The following LARGE1 variants were observed in gnomAD, a reference collection of about 807,000 sequenced individuals.
The protein encoded by LARGE1 is xylosyl- and glucuronyltransferase LARGE1.
Under a neutral mutation model 87.6 loss-of-function variants are expected in LARGE1, and 43 were observed. That is an observed-to-expected ratio of 0.49 (90% confidence interval 0.38 to 0.63). The LOEUF is 0.63. LARGE1 is among the 30% of genes least tolerant of loss of function. The pLI is 0.00. For missense variants in LARGE1, 802 were observed against 1,000.2 expected (o/e 0.80, Z 2.67); for synonymous variants, 434 against 394.6 (o/e 1.10, Z -1.18).
intron 1 of LARGE1, among the ~76,000 whole-genome samples, chr22:33,795,709 T>C (rs2085957963): frequency 6.6e-6 from 1 of 152,110 alleles, no homozygotes; most frequent in Admixed American, 6.5e-5. Flanking sequence ...GGGACGTGGA[T>C]GAAGCTAGAA....
the LARGE1 span, among the ~76,000 whole-genome samples, chr22:33,091,891 G>A: frequency 8.2e-4 from 124 of 152,034 alleles, no homozygotes; most frequent in African/African-American, 2.4e-3. Flanking sequence ...CTTCTTCTTC[G>A]TTTTTCGTTT....
At chr22:33,183,270 A>G (rs1469460163) in intron 11 of LARGE1, among the ~76,000 whole-genome samples, 5 of 152,246 alleles carry the variant, frequency 3.3e-5, no homozygotes, top group Admixed American at 2.6e-4. Context: ...AATCAAAACC[A>G]TAATGAGATA....
At chr22:33,421,222 C>A (rs982130030) in intron 7 of LARGE1, among the ~76,000 whole-genome samples, 15 of 136,500 alleles carry the variant, frequency 1.1e-4, no homozygotes, top group African/African-American at 4.4e-4. Context: ...ATCAATCAAT[C>A]AATCAATCAA....
chr22:33,331,836 G>A (rs978455224), intron 10 of LARGE1, among the ~76,000 whole-genome samples: 1 of 151,996 alleles, frequency 6.6e-6, no homozygotes, highest in East Asian at 1.9e-4. Flanking sequence ...CACCCACCAA[G>A]TTTACCCTTC....
At chr22:33,400,408 G>C (rs138838711) in intron 7 of LARGE1, among the ~76,000 whole-genome samples, 1 of 152,234 alleles carries the variant, frequency 6.6e-6, no homozygotes, top group African/African-American at 2.4e-5. Context: ...AGGGATGGGA[G>C]GGTCTGACAC....
the LARGE1 span, among the ~76,000 whole-genome samples, chr22:33,095,877 C>G: frequency 2.0e-5 from 3 of 152,098 alleles, no homozygotes; most frequent in East Asian, 3.9e-4. Context: ...TAGACCTACC[C>G]GCGTGTTTGA....
chr22:33,910,651 A>G (rs1397967039), intron 1 of LARGE1, among the ~76,000 whole-genome samples: 1 of 152,162 alleles, frequency 6.6e-6, no homozygotes, highest in African/African-American at 2.4e-5. Context: ...ACACAGTAGG[A>G]GCTTGATCAA....
intron 6 of LARGE1, among the ~76,000 whole-genome samples, chr22:33,469,151 T>C (rs1314232018): frequency 6.6e-6 from 1 of 152,164 alleles, no homozygotes; most frequent in East Asian, 1.9e-4. Context: ...AAATTAGAAC[T>C]ACCATTCAAC....
intron 11 of LARGE1, among the ~76,000 whole-genome samples, chr22:33,189,013 G>A (rs557055694): frequency 6.1e-4 from 93 of 152,176 alleles, no homozygotes; most frequent in Middle Eastern, 6.8e-3. Flanking sequence ...CTCAGCCAGG[G>A]TTGGGTGCCC....
At chr22:33,195,018 A>G (rs113912363) in intron 11 of LARGE1, among the ~76,000 whole-genome samples, 25 of 152,328 alleles carry the variant, frequency 1.6e-4, no homozygotes, top group African/African-American at 5.8e-4. Flanking sequence ...GGGATAATAC[A>G]TTAAAGGAAT....
intron 2 of LARGE1, among the ~76,000 whole-genome samples, chr22:33,666,615 G>C (rs772944505): frequency 2.6e-5 from 4 of 152,208 alleles, no homozygotes; most frequent in Non-Finnish European, 5.9e-5. Context: ...GGAGGTCTCA[G>C]CTGCCAGGCT....
chr22:33,707,762 C>T (rs1355744195), intron 2 of LARGE1, among the ~76,000 whole-genome samples: 1 of 152,200 alleles, frequency 6.6e-6, no homozygotes, highest in Non-Finnish European at 1.5e-5. Flanking sequence ...CTGCCTCCCA[C>T]AGTCGACCCA....
rs564755814 is a variant in LARGE1, at chr22:33,362,104, C to T, written c.1131+19815G>A. Among the ~76,000 whole-genome samples the T allele has an allele frequency of 2.5e-4, 38 of 149,428 alleles. 1 individual carries two copies. The highest frequency in any genetic ancestry group is 3.5e-3 in the Middle Eastern group (1 of 288). ...CACTCTGGTCTCCTAAGAGTTTGTG[C>T]CACTGGTAAAGTGATAAAAAGATGC... On this transcript the variant is annotated intron_variant, in intron 9 of 14. Transcript: ENST00000397394.
At chr22:33,829,028 T>TGA (rs2062887365) in intron 1 of LARGE1, among the ~76,000 whole-genome samples, 2 of 135,936 alleles carry the variant, frequency 1.5e-5, no homozygotes, top group Non-Finnish European at 3.2e-5. Flanking sequence ...TTTTTTTTTT[T>TGA]GAGAGAGTCT....
chr22:33,097,341 C>G, the LARGE1 span, among the ~76,000 whole-genome samples: 1 of 152,340 alleles, frequency 6.6e-6, no homozygotes, highest in South Asian at 2.1e-4. Flanking sequence ...GCAGAATTAT[C>G]AGACATCCTG....
At chr22:33,838,334 C>G (rs187393624) in intron 1 of LARGE1, among the ~76,000 whole-genome samples, 2 of 152,116 alleles carry the variant, frequency 1.3e-5, no homozygotes, top group Non-Finnish European at 2.9e-5. Flanking sequence ...ACTAGGATCT[C>G]AAAAAATGTG....
intron 6 of LARGE1, among the ~76,000 whole-genome samples, chr22:33,445,945 C>G (rs539286400): frequency 6.6e-6 from 1 of 151,154 alleles, no homozygotes; most frequent in Non-Finnish European, 1.5e-5. Flanking sequence ...CCACTGCACC[C>G]GGCCCTAAGG....
chr22:33,883,803 AC>A (rs1343239599), intron 1 of LARGE1, among the ~76,000 whole-genome samples: 1 of 151,890 alleles, frequency 6.6e-6, no homozygotes. Context: ...TCCCGGACCA[AC>A]CTCCTTAAAA....
At chr22:33,416,666 C>T (rs1326836349) in intron 7 of LARGE1, among the ~76,000 whole-genome samples, 4 of 151,908 alleles carry the variant, frequency 2.6e-5, no homozygotes, top group Non-Finnish European at 5.9e-5. Context: ...TACAAAGGTG[C>T]GATCTCGGCT....
Sources: gnomAD v4.1 joint callset for allele counts (sites outside exome capture counted in the v4.1 genomes callset) on GRCh38, gnomAD v4.1.1 for gene constraint, MANE v1.5 for transcripts, NCBI Gene and HGNC (gene_info 2026-07-23, HGNC 2026-07-21) for gene names.